The following MLXIP variants were observed in gnomAD, a reference collection of about 807,000 sequenced individuals.
The protein encoded by MLXIP is MLX-interacting protein.
A neutral mutation model predicts 87.2 loss-of-function variants in MLXIP; 30 were observed. The ratio of observed to expected loss-of-function variants is 0.34; its 90% CI spans 0.26 to 0.47. The LOEUF is 0.47. Among genes scored for constraint, MLXIP ranks in the 20% least tolerant of loss-of-function variants. The pLI is 1.00. For missense variants in MLXIP, 1,002 were observed against 1,240.1 expected (o/e 0.81, Z 2.88); for synonymous variants, 530 against 514.0 (o/e 1.03, Z -0.42).
chr12:122,127,703 A>T (rs1952902987), intron 2 of MLXIP, among the ~76,000 whole-genome samples, 180 bp from the exon 3 acceptor site: 1 of 152,152 alleles, frequency 6.6e-6, no homozygotes, highest in Admixed American at 6.5e-5. Flanking sequence ...TTCGTTATTG[A>T]CAGATTCCTC....
Position 122,103,543 on chromosome 12 carries a change from C to A in MLXIP, c.414-23713C>A, listed in dbSNP as rs1460799688. ...GGCCTTTTTTTTTTTTTTTTTGAGA[C>A]AGAGTCTCGCTGTGTCACCCAGGCT... On this transcript the variant is annotated intron_variant, in intron 1 of 16. Coordinates refer to ENST00000319080, the MANE Select transcript of MLXIP (RefSeq NM_014938.6). Among the ~76,000 whole-genome samples the A allele has an allele frequency of 6.8e-4, 81 of 119,582 alleles. 1 individual carries two copies. Among genetic ancestry groups the A allele is most frequent in the Non-Finnish European group, 6.7e-5 (4 of 60,012 alleles). The allele number at this position is 119,582 out of a possible 152,430, so 78.5% of individuals were successfully genotyped here. A position where few individuals can be genotyped will look rare whatever the true frequency, so the allele number is the denominator to read the frequency against.
At chr12:122,140,806 A>G (rs1471573189) in intron 15 of MLXIP, 148 bp from the exon 16 acceptor site, 1 of 1,240,536 alleles carries the variant, frequency 8.1e-7, no homozygotes, top group African/African-American at 1.5e-5. Context: ...TTGCCTAGAG[A>G]TCTCTCCCTC....
At chr12:122,110,848 T>C (rs867559618) in intron 1 of MLXIP, among the ~76,000 whole-genome samples, 2 of 151,686 alleles carry the variant, frequency 1.3e-5, no homozygotes, top group African/African-American at 2.4e-5. Flanking sequence ...GAGGCCAAGG[T>C]GGGCGGATCA....
chr12:122,137,525 A>G lies in MLXIP; in HGVS notation c.2089A>G (p.Ser697Gly), dbSNP rs564592756. ...TCCGTGTGCATCGGAGCAGAGCCCC[A>G]GTCCTCAATCTCCCCAGAACAACTG... is the stretch of plus-strand genomic sequence containing the variant. Reference protein sequence around the residue: ...ASPCASEQSPSPQSPQNNCSG... With the variant: ...ASPCASEQSPGPQSPQNNCSG... The change falls in exon 12 of 17, where the codon AGT (serine) becomes GGT (glycine). Residue 697 changes from serine to glycine, a missense_variant. Physicochemically the swap from Ser to Gly is moderately conservative, Grantham distance 56. Coordinates refer to ENST00000319080, the MANE Select transcript of MLXIP (RefSeq NM_014938.6). This position sits in a 1 kb window ranked among gnomAD's most constrained non-coding sequence, Gnocchi z 4.1. The G allele has an allele frequency of 1.2e-6, 2 of 1,614,028 alleles. No homozygotes were observed. The highest frequency in any genetic ancestry group is 1.1e-5 in the South Asian group (1 of 91,084).
chr12:122,121,449 G>C (rs573870664), intron 1 of MLXIP, among the ~76,000 whole-genome samples: 2 of 150,610 alleles, frequency 1.3e-5, no homozygotes, highest in Non-Finnish European at 2.9e-5. Context: ...TGTATTTTTA[G>C]TAGAGACAGG....
At chr12:122,141,139 GC>G in intron 16 of MLXIP, 56 bp downstream of exon 16, 3 of 1,552,448 alleles carry the variant, frequency 1.9e-6, no homozygotes, top group African/African-American at 1.4e-5. Flanking sequence ...AGGGAGGACA[GC>G]CCCAGGCTGA....
At chr12:122,100,243 A>T (rs1952417254) in intron 1 of MLXIP, among the ~76,000 whole-genome samples, 1 of 152,182 alleles carries the variant, frequency 6.6e-6, no homozygotes, top group Non-Finnish European at 1.5e-5. Flanking sequence ...TGGATCTAAA[A>T]TGACTTCTTT....
In MLXIP at chr12:122,084,871, C is replaced by G. The variant is rs147045005; in HGVS notation, c.413+5605C>G. On this transcript the variant is annotated intron_variant, in intron 1 of 16. Transcript: ENST00000319080. Reference sequence around the variant, plus strand: ...CCTCTTAACGTGATCTTAAGCAACTCACACAACAACCCTGTCAGGTAGGTG... The same window carrying G: ...CCTCTTAACGTGATCTTAAGCAACTGACACAACAACCCTGTCAGGTAGGTG... Among the ~76,000 whole-genome samples, 661 of 152,272 alleles carry G rather than the reference C, an allele frequency of 4.3e-3. 19 individuals carry two copies. The highest frequency in any genetic ancestry group is 0.04 in the Admixed American group (610 of 15,282).
chr12:122,107,407 C>T (rs141197996), intron 1 of MLXIP, among the ~76,000 whole-genome samples: 3 of 152,244 alleles, frequency 2.0e-5, no homozygotes, highest in Non-Finnish European at 4.4e-5. Flanking sequence ...ACAGTCGTTC[C>T]CCCTCTTCCC....
intron 9 of MLXIP, chr12:122,134,813 T>G (rs1381069834): frequency 4.0e-6 from 1 of 247,578 alleles, no homozygotes; most frequent in Non-Finnish European, 8.0e-6. Context: ...TAGCTGAGAT[T>G]ACAGGCATGT....
At position 122,135,117 on chromosome 12, in the gene MLXIP, C is replaced by A; in HGVS notation, c.1733-107C>A. On this transcript the variant is annotated intron_variant, in intron 9 of 16. Transcript: ENST00000319080. The surrounding 1 kb of genome is among the most constrained non-coding windows in gnomAD (Gnocchi z 5.3). The stretch of plus-strand genomic sequence containing the variant: ...CCTTGGTGGCTTTGTCTTCCTGTCC[C>A]CTGGGGTTGAGAACAAGCTGTCTCA... The A allele has an allele frequency of 7.0e-7, 1 of 1,421,094 alleles. No homozygotes were observed. Among genetic ancestry groups the A allele is most frequent in the East Asian group, 2.5e-5 (1 of 40,594 alleles). The allele number at this position is 1,421,094 out of a possible 1,614,324, so 88.0% of individuals were successfully genotyped here. A position where few individuals can be genotyped will look rare whatever the true frequency, so the allele number is the denominator to read the frequency against.
rs1216402990 is a variant in MLXIP at position 122,138,225 on chromosome 12, A to G, written c.2186A>G (p.Gln729Arg). 4 of 1,610,918 alleles carry G rather than the reference A, an allele frequency of 2.5e-6. No individual in the cohort carries two copies. The highest frequency in any genetic ancestry group is 3.4e-6 in the Non-Finnish European group (4 of 1,178,652). The change falls in exon 13 of 17, where the codon CAG becomes CGG. Residue 729 changes from glutamine to arginine, a missense_variant. Around this residue, in one of 3 missense-constraint regions of MLXIP, gnomAD observed 746 missense variants for 897.0 expected, o/e 0.83. Transcript: ENST00000319080. ...CAGATGAAGCACATCTCAGCTGAGC[A>G]GAAAAGGCGCTTCAACATCAAGATG... ...NRQMKHISAEQKRRFNIKMCF... is the reference protein window; with the variant it reads ...NRQMKHISAERKRRFNIKMCF...
chr12:122,129,347 C>A, intron 4 of MLXIP, 121 bp downstream of exon 4: 1 of 1,005,898 alleles, frequency 9.9e-7, no homozygotes, highest in Non-Finnish European at 1.5e-6. Flanking sequence ...GAGCGTCAAG[C>A]AGTAAATCTG....
intron 1 of MLXIP, among the ~76,000 whole-genome samples, chr12:122,126,148 C>G (rs1271542052): frequency 1.3e-5 from 2 of 152,202 alleles, no homozygotes; most frequent in African/African-American, 4.8e-5. Context: ...AGAGATGGCT[C>G]CCGGCCTAGC....
chr12:122,090,017 TG>T (rs1952222245), intron 1 of MLXIP, among the ~76,000 whole-genome samples: 1 of 152,040 alleles, frequency 6.6e-6, no homozygotes, highest in South Asian at 2.1e-4. Context: ...CCCATGAGGG[TG>T]GAGGATGCAA....
chr12:122,085,648 A>T (rs1045699845), intron 1 of MLXIP, among the ~76,000 whole-genome samples: 3 of 151,850 alleles, frequency 2.0e-5, no homozygotes, highest in Admixed American at 2.0e-4. Context: ...TTCTTTTCTC[A>T]CTTGCAAGCT....
rs1164596900 is a variant in MLXIP at position 122,144,476 on chromosome 12, C to T, written c.*2664C>T. ...TGTGTAGCAGTGAGTGCCTGTGGTC[C>T]CAGCTACTTGGGCCTGAGGCTGGAG... On this transcript the variant is annotated 3_prime_UTR_variant, in exon 17 of 17. Transcript: ENST00000319080. 1 of 151,978 alleles carries T rather than the reference C, an allele frequency of 6.6e-6. No individual in the cohort carries two copies. Among genetic ancestry groups the T allele is most frequent in the Non-Finnish European group, 1.5e-5 (1 of 68,078 alleles). 9.4% of individuals were successfully genotyped at this position (151,978 alleles called of 1,614,324 possible).
intron 1 of MLXIP, among the ~76,000 whole-genome samples, chr12:122,094,846 TTTGCAGTGTTTCTATG>T (rs1952324363): frequency 6.8e-6 from 1 of 146,624 alleles, no homozygotes; most frequent in African/African-American, 2.5e-5. Context: ...TGTGGGTGTG[TTTGCAGTGTTTCTATG>T]GTGTGGTGTT....
intron 1 of MLXIP, among the ~76,000 whole-genome samples, chr12:122,107,375 C>T (rs1376213599): frequency 6.6e-6 from 1 of 152,162 alleles, no homozygotes; most frequent in East Asian, 1.9e-4. Context: ...AGCTCCGCAG[C>T]ACCTTTGTTC....
Sources: gnomAD v4.1 joint callset for allele counts (sites outside exome capture counted in the v4.1 genomes callset) on GRCh38, gnomAD v4.1.1 for gene constraint, gnomAD v4.1.1 regional missense constraint, Gnocchi (gnomAD v3.1) non-coding constraint, MANE v1.5 for transcripts, NCBI Gene and HGNC (gene_info 2026-07-23, HGNC 2026-07-21) for gene names.